The following THRAP3 variants were observed in gnomAD, a reference collection of about 807,000 sequenced individuals.
THRAP3 encodes thyroid hormone receptor-associated protein 3.
A neutral mutation model predicts 101.0 loss-of-function variants in THRAP3; 16 were observed. The observed-to-expected ratio is 0.16, with a 90% CI of 0.11 to 0.24. THRAP3 has a LOEUF of 0.24. Among genes scored for constraint, THRAP3 ranks in the 10% least tolerant of loss-of-function variants. The pLI is 1.00. For missense variants in THRAP3, 989 were observed against 1,202.7 expected, an observed-to-expected ratio of 0.82 and a Z score of 2.63; for synonymous variants, 407 against 422.6, an observed-to-expected ratio of 0.96 and a Z score of 0.45.
At chr1:36,257,546 T>C (rs1398674814) in intron 1 of THRAP3, among the ~76,000 whole-genome samples, 1 of 152,126 alleles carries the variant, frequency 6.6e-6, no homozygotes, top group Non-Finnish European at 1.5e-5. Flanking sequence ...CCAGATGACA[T>C]GCAGGACAGG....
rs182984614 is a variant in THRAP3, at chr1:36,280,467, T to C, written c.-31-2066T>C. On this transcript the variant is annotated intron_variant, in intron 2 of 11. Transcript: ENST00000354618. Reference sequence around the variant, plus strand: ...CCTAGAGAATGACTGGTGGCTATTTTTGACTGGGTGGTCAGGGTGAACCTC... The same window carrying C: ...CCTAGAGAATGACTGGTGGCTATTTCTGACTGGGTGGTCAGGGTGAACCTC... Among the ~76,000 whole-genome samples the C allele has an allele frequency of 2.6e-5, 4 of 152,342 alleles. No individual in the cohort carries two copies. In the East Asian group the frequency reaches 7.7e-4, roughly 29 times the overall value.
intron 11 of THRAP3, among the ~76,000 whole-genome samples, chr1:36,303,196 TCAGA>T (rs899053541): frequency 7.4e-5 from 11 of 149,086 alleles, no homozygotes; most frequent in Non-Finnish European, 1.3e-4. Flanking sequence ...AATTCTGAGC[TCAGA>T]CAATCTGCCT....
chr1:36,298,776 G>T (rs1271493919), intron 9 of THRAP3, among the ~76,000 whole-genome samples: 2 of 152,018 alleles, frequency 1.3e-5, no homozygotes, highest in Non-Finnish European at 2.9e-5. Flanking sequence ...CAAAGCATGG[G>T]ATTACAGGCA....
At chr1:36,249,600 CCTT>C (rs1374146390) in intron 1 of THRAP3, among the ~76,000 whole-genome samples, 6 of 152,030 alleles carry the variant, frequency 3.9e-5, no homozygotes, top group Admixed American at 1.3e-4. Flanking sequence ...CTCACTGACT[CCTT>C]CTGGAGAATT....
At chr1:36,291,617 A>G in intron 6 of THRAP3, 71 bp downstream of exon 6, 1 of 1,553,226 alleles carries the variant, frequency 6.4e-7, no homozygotes, top group Non-Finnish European at 8.8e-7. Flanking sequence ...ATGGGTGGAT[A>G]AGGAGTTTTG....
At chr1:36,245,611 T>C (rs969048909) in intron 1 of THRAP3, among the ~76,000 whole-genome samples, 1 of 152,194 alleles carries the variant, frequency 6.6e-6, no homozygotes, top group Non-Finnish European at 1.5e-5. Flanking sequence ...CCCATCCTGA[T>C]CCATCCCCTT....
intron 2 of THRAP3, 37 bp from the exon 3 acceptor site, chr1:36,282,496 A>G: frequency 2.0e-6 from 3 of 1,482,942 alleles, no homozygotes; most frequent in Non-Finnish European, 2.8e-6. Flanking sequence ...TTGCAAAGGA[A>G]CTCACTCATT....
chr1:36,236,599 A>G (rs552273837), intron 1 of THRAP3, among the ~76,000 whole-genome samples: 7 of 152,010 alleles, frequency 4.6e-5, no homozygotes, highest in Admixed American at 1.3e-4. Flanking sequence ...GCACCAGTCT[A>G]CCTTGCCTCT....
At chr1:36,249,267 C>T (rs1323372579) in intron 1 of THRAP3, among the ~76,000 whole-genome samples, 2 of 148,766 alleles carry the variant, frequency 1.3e-5, no homozygotes, top group East Asian at 2.0e-4. Context: ...GCTCCGCTCA[C>T]TGCAAGCTCT....
chr1:36,237,924 T>A (rs190304254), intron 1 of THRAP3, among the ~76,000 whole-genome samples: 18 of 152,260 alleles, frequency 1.2e-4, no homozygotes, highest in African/African-American at 4.3e-4. Context: ...TGAGCTTAAG[T>A]GATCTTCCTA....
chr1:36,274,501 T>A (rs1032987744), intron 2 of THRAP3, among the ~76,000 whole-genome samples: 1 of 152,178 alleles, frequency 6.6e-6, no homozygotes, highest in Non-Finnish European at 1.5e-5. Flanking sequence ...CACTTTTTTT[T>A]ATTTAAAAAT....
At chr1:36,219,886 A>C (rs1644894158), upstream of THRAP3, among the ~76,000 whole-genome samples, 1 of 152,230 alleles carries the variant, frequency 6.6e-6, no homozygotes, top group Admixed American at 6.5e-5. Context: ...GGTGATTTTA[A>C]GTTGAAGGCG....
rs150051636 is a variant in THRAP3, at chr1:36,289,364, G to A, written c.1345G>A (p.Glu449Lys). 21 of 1,614,100 alleles carry A rather than the reference G, an allele frequency of 1.3e-5. No individual in the cohort carries two copies. In the African/African-American group the frequency reaches 2.3e-4, roughly 17 times the overall value. ...AAGAAAGGAATCTGAGTTTGATGATGAACCCAAATTTATGTCTAAAGTCAT... is the reference window on the plus strand; with the variant it reads ...AAGAAAGGAATCTGAGTTTGATGATAAACCCAAATTTATGTCTAAAGTCAT... Reference protein sequence around the residue: ...KGRKESEFDDEPKFMSKVIGA... With the variant: ...KGRKESEFDDKPKFMSKVIGA... The change falls in exon 5 of 12, where the codon GAA becomes AAA. Residue 449 changes from glutamate to lysine, a missense_variant. Glu to Lys is a moderately conservative substitution (Grantham distance 56). Transcript: ENST00000354618.
chr1:36,243,944 CCGGA>C, intron 1 of THRAP3, among the ~76,000 whole-genome samples: 1 of 58,014 alleles, frequency 1.7e-5, no homozygotes, highest in Non-Finnish European at 3.6e-5. Flanking sequence ...CACCTCCCTC[CCGGA>C]TGGGGCGGCT....
Position 36,287,127 on chromosome 1 carries a change from A to T in THRAP3, c.897A>T (p.Gln299His). 6.2e-7 allele frequency: 1 copy of T among 1,614,164 alleles called. No homozygotes were observed. The highest frequency in any genetic ancestry group is 8.5e-7 in the Non-Finnish European group (1 of 1,180,028). The change falls in exon 4 of 12, where the codon CAA becomes CAT. Residue 299 changes from glutamine to histidine, a missense_variant. Transcript: ENST00000354618. ...CCGGGTATCAGTCTGGGACACACCA[A>T]GGTCAGTTCGACCATGGTTCTGGGT... ...SGAGYQSGTHQGQFDHGSGSL... is the reference protein window; with the variant it reads ...SGAGYQSGTHHGQFDHGSGSL...
At chr1:36,242,404 T>C (rs1223111080) in intron 1 of THRAP3, among the ~76,000 whole-genome samples, 2 of 151,974 alleles carry the variant, frequency 1.3e-5, no homozygotes, top group East Asian at 3.9e-4. Flanking sequence ...CTTCCCAGCT[T>C]AGTCTCTCAA....
intron 2 of THRAP3, among the ~76,000 whole-genome samples, chr1:36,275,138 A>ACAC (rs1645641487): frequency 1.8e-5 from 2 of 109,116 alleles, no homozygotes; most frequent in Admixed American, 1.0e-4. Flanking sequence ...CACACACACA[A>ACAC]AATTAGCTGG....
chr1:36,270,397 ACACACACG>A (rs1391803573), intron 2 of THRAP3, among the ~76,000 whole-genome samples: 2 of 151,846 alleles, frequency 1.3e-5, no homozygotes, highest in African/African-American at 4.9e-5. Context: ...CCTGACACAC[ACACACACG>A]CACACAGGCA....
chr1:36,230,941 T>C (rs1344785741), intron 1 of THRAP3, among the ~76,000 whole-genome samples: 3 of 152,216 alleles, frequency 2.0e-5, no homozygotes, highest in Non-Finnish European at 2.9e-5. Flanking sequence ...CCATCTTTTA[T>C]AGTTGGGGCA....
Sources: gnomAD v4.1 joint callset for allele counts (sites outside exome capture counted in the v4.1 genomes callset) on GRCh38, gnomAD v4.1.1 for gene constraint, MANE v1.5 for transcripts, NCBI Gene and HGNC (gene_info 2026-07-23, HGNC 2026-07-21) for gene names.